Variants in CYP26B1 observed in about 807,000 individuals in gnomAD.
CYP26B1 encodes the protein cytochrome P450 family 26 subfamily B member 1.
CYP26B1 carries 8 observed loss-of-function variants against 39.1 expected under a neutral mutation model. The ratio of observed to expected loss-of-function variants is 0.20; its 90% CI spans 0.12 to 0.37. The LOEUF is 0.37. Among genes scored for constraint, CYP26B1 ranks in the 10% least tolerant of loss-of-function variants. The probability of loss-of-function intolerance (pLI) is 1.00; values close to 1 mark genes in which losing one functional copy is unlikely to be tolerated. For synonymous variants in CYP26B1, 321 were observed against 314.3 expected (o/e 1.02, Z -0.23); for missense variants, 615 against 707.0 (o/e 0.87, Z 1.48).
In CYP26B1 at chr2:72,140,021, A is replaced by C. The variant is rs562018042; in HGVS notation, c.429+3968T>G. Among the ~76,000 whole-genome samples, 562 of 152,332 alleles carry C rather than the reference A, an allele frequency of 3.7e-3. 4 individuals are homozygous for C. The highest frequency in any genetic ancestry group is 4.8e-3 in the Non-Finnish European group (326 of 68,014). On this transcript the variant is annotated intron_variant, in intron 2 of 5. Transcript: ENST00000001146. ...GCTTCCTTTTAGGCTTAGGGAACCC[A>C]GGACAGATACAGCAGCCAGCATGGG...
At chr2:72,134,544 T>C (rs932624253) in intron 4 of CYP26B1, among the ~76,000 whole-genome samples, 12 of 150,872 alleles carry the variant, frequency 8.0e-5, no homozygotes, top group African/African-American at 3.0e-4. Flanking sequence ...CTGCAGGCCA[T>C]GGGGAGAGAA....
rs528065075 is a variant in CYP26B1 at position 72,147,740 on chromosome 2, A to T, written c.95T>A (p.Leu32Gln). ...VTLLLAVSQQ[L>Q]WQLRWAATRD... ...AGTGGCGGCCCAGCGCAGCTGCCAC[A>T]GCTGCTGCGACACGGCCAGCAGCAG... Residue 32 changes from leucine (L) to glutamine (Q), a missense_variant, in exon 1 of 6, where the codon CTG (leucine) becomes CAG (glutamine). By Grantham distance (113) the Leu-to-Gln change is moderately radical. Coordinates refer to ENST00000001146, the MANE Select transcript of CYP26B1 (RefSeq NM_019885.4). The surrounding 1 kb of genome is among the most constrained non-coding windows in gnomAD (Gnocchi z 6.1). The T allele has an allele frequency of 1.3e-6, 2 of 1,592,532 alleles. No homozygotes were observed. The highest frequency in any genetic ancestry group is 2.3e-5 in the South Asian group (2 of 88,046).
At chr2:72,144,291 C>A in intron 1 of CYP26B1, 78 bp from the exon 2 acceptor site, 3 of 1,543,500 alleles carry the variant, frequency 1.9e-6, no homozygotes, top group Admixed American at 1.8e-5. Flanking sequence ...CGGACCCCAA[C>A]CCGGGGTACA....
Position 72,144,877 on chromosome 2 carries a change from G to A in CYP26B1, c.205-664C>T, listed in dbSNP as rs1167687904. On this transcript the variant is annotated intron_variant, in intron 1 of 5. Coordinates refer to ENST00000001146, the MANE Select transcript of CYP26B1 (RefSeq NM_019885.4). ...CGAGCGCGGGGCGGGGCGGGACCGGGCAGGGCGACCCGCGCAGGTAACCAG... is the reference window on the plus strand; with the variant it reads ...CGAGCGCGGGGCGGGGCGGGACCGGACAGGGCGACCCGCGCAGGTAACCAG... 2.0e-5 allele frequency among the ~76,000 whole-genome samples: 3 copies of A among 152,166 alleles called. No homozygotes were observed. In the East Asian group the frequency reaches 5.8e-4, roughly 29 times the overall value.
chr2:72,144,408 A>G (rs890103181), intron 1 of CYP26B1, 195 bp from the exon 2 acceptor site: 8 of 1,388,418 alleles, frequency 5.8e-6, no homozygotes, highest in Middle Eastern at 3.7e-4. Context: ...GAGGATAATA[A>G]ATAATGCAAG....
At chr2:72,146,516 C>A (rs1333698821) in intron 1 of CYP26B1, among the ~76,000 whole-genome samples, 3 of 152,246 alleles carry the variant, frequency 2.0e-5, no homozygotes, top group Non-Finnish European at 4.4e-5. Context: ...TCACTCGTCC[C>A]GGGGCAGGGT....
At position 72,133,157 on chromosome 2, in the gene CYP26B1, G is replaced by T; in HGVS notation, c.1012C>A (p.Pro338Thr). Residue 338 changes from proline to threonine, a missense_variant, in exon 5 of 6, where the codon CCC (proline) becomes ACC (threonine). By Grantham distance (38) the Pro-to-Thr change is conservative (BLOSUM62 -1). Transcript: ENST00000001146. Reference sequence around the variant, plus strand: ...TCCAGGCGCAGTGTGCCCTCGCAGGGGCAGCCGCCACTGTGCAGGATGCCA... The same window carrying T: ...TCCAGGCGCAGTGTGCCCTCGCAGGTGCAGCCGCCACTGTGCAGGATGCCA... The part of the protein sequence containing the change: ...AHGILHSGGC[P>T]CEGTLRLDTL... 1 of 1,611,606 alleles carries T rather than the reference G, an allele frequency of 6.2e-7. No individual in the cohort carries two copies. The highest frequency in any genetic ancestry group is 2.2e-5 in the East Asian group (1 of 44,854).
chr2:72,133,553 G>C (rs1676664763), intron 4 of CYP26B1, among the ~76,000 whole-genome samples: 1 of 152,228 alleles, frequency 6.6e-6, no homozygotes, highest in South Asian at 2.1e-4. Context: ...AGAAGCACTG[G>C]CCTAGAGTCC....
intron 1 of CYP26B1, among the ~76,000 whole-genome samples, chr2:72,145,756 G>C (rs1391819900): frequency 1.3e-5 from 2 of 151,570 alleles, no homozygotes; most frequent in East Asian, 3.9e-4. Flanking sequence ...CGTTTTTTGT[G>C]GCATTAATAA....
intron 1 of CYP26B1, among the ~76,000 whole-genome samples, chr2:72,144,801 C>G (rs1558972561): frequency 6.6e-6 from 1 of 152,202 alleles, no homozygotes; most frequent in Non-Finnish European, 1.5e-5. Context: ...ATGCATTTTG[C>G]CCTGGAAATA....
rs760782446 is a variant in CYP26B1, at chr2:72,133,146, G to T, written c.1023C>A (p.Gly341=). The part of the protein sequence containing the change: ...ILHSGGCPCE[G]TLRLDTLSGL... ...CACTGAGCGTGTCCAGGCGCAGTGTGCCCTCGCAGGGGCAGCCGCCACTGT... is the reference window on the plus strand; with the variant it reads ...CACTGAGCGTGTCCAGGCGCAGTGTTCCCTCGCAGGGGCAGCCGCCACTGT... Residue 341 remains glycine (G), a synonymous_variant, in exon 5 of 6, where the codon GGC becomes GGA. Coordinates refer to ENST00000001146, the MANE Select transcript of CYP26B1 (RefSeq NM_019885.4). 6.2e-7 allele frequency: 1 copy of T among 1,612,340 alleles called. No homozygotes were observed. The highest frequency in any genetic ancestry group is 1.7e-5 in the Admixed American group (1 of 60,002).
intron 2 of CYP26B1, among the ~76,000 whole-genome samples, chr2:72,137,135 G>A (rs1676801074): frequency 6.6e-6 from 1 of 152,180 alleles, no homozygotes; most frequent in South Asian, 2.1e-4. Context: ...GGTAGGGGCT[G>A]GCCAGGGCCC....
chr2:72,141,598 T>C (rs991567315), intron 2 of CYP26B1, among the ~76,000 whole-genome samples: 2 of 152,174 alleles, frequency 1.3e-5, no homozygotes, highest in South Asian at 4.1e-4. Flanking sequence ...GGCCTCTAAC[T>C]GCAGCATGGA....
intron 1 of CYP26B1, chr2:72,144,661 G>T (rs1677066462): frequency 4.9e-6 from 1 of 205,972 alleles, no homozygotes; most frequent in Non-Finnish European, 8.5e-6. Flanking sequence ...AGCGGTCGGT[G>T]CCCGGAGGCA....
chr2:72,134,736 C>G (rs2241058), intron 4 of CYP26B1, 25 bp downstream of exon 4: 1 of 1,603,014 alleles, frequency 6.2e-7, no homozygotes, highest in Non-Finnish European at 8.5e-7. Flanking sequence ...TGGTGCTGCC[C>G]GTGAGGGGCA....
rs1395556121 is a variant in CYP26B1 at position 72,130,623 on chromosome 2, A to C, written c.*1604T>G. 6.6e-6 allele frequency: 1 copy of C among 152,180 alleles called. No homozygotes were observed. The highest frequency in any genetic ancestry group is 2.4e-5 in the African/African-American group (1 of 41,420). The allele number at this position is 152,180 out of a possible 1,614,324, so 9.4% of individuals were successfully genotyped here. A position where few individuals can be genotyped will look rare whatever the true frequency, so the allele number is the denominator to read the frequency against. On this transcript the variant is annotated 3_prime_UTR_variant, in exon 6 of 6. Coordinates refer to ENST00000001146, the MANE Select transcript of CYP26B1 (RefSeq NM_019885.4). ...GGGGATTCATTGCTTTTACAACATC[A>C]AAAACCAATAAACACAGAAAGCAAG...
intron 2 of CYP26B1, among the ~76,000 whole-genome samples, chr2:72,141,835 G>A (rs2104083890): frequency 6.6e-6 from 1 of 152,316 alleles, no homozygotes; most frequent in East Asian, 1.9e-4. Context: ...TTGGGGGGAA[G>A]GATCCTTTCA....
Position 72,147,780 on chromosome 2 carries a change from G to C in CYP26B1, c.55C>G (p.Leu19Val), listed in dbSNP as rs1336275912. ...VSALATLAAC[L>V]VSVTLLLAVS... is the part of the protein sequence containing the mutation. ...GCCAGCAGCAGCGTCACGGACACCAGGCACGCGGCGAGGGTGGCCAGCGCC... is the reference window on the plus strand; with the variant it reads ...GCCAGCAGCAGCGTCACGGACACCACGCACGCGGCGAGGGTGGCCAGCGCC... The change falls in exon 1 of 6, where the codon CTG becomes GTG. Residue 19 changes from leucine to valine, a missense_variant. By Grantham distance (32) the Leu-to-Val change is conservative (BLOSUM62 1). Coordinates refer to ENST00000001146, the MANE Select transcript of CYP26B1 (RefSeq NM_019885.4). The surrounding 1 kb of genome is among the most constrained non-coding windows in gnomAD (Gnocchi z 6.1). 5.1e-6 allele frequency: 8 copies of C among 1,569,390 alleles called. No individual in the cohort carries two copies. The Admixed American group carries it at 1.3e-4, about 25-fold the overall frequency.
intron 2 of CYP26B1, 151 bp from the exon 3 acceptor site, chr2:72,135,570 C>T (rs1572924532): frequency 2.5e-6 from 3 of 1,178,520 alleles, no homozygotes; most frequent in Non-Finnish European, 3.6e-6. Context: ...CAGCTGCCAG[C>T]AAGTCTTTGG....
Sources: allele counts gnomAD v4.1 joint callset (sites outside exome capture counted in the v4.1 genomes callset), GRCh38; gene constraint gnomAD v4.1.1; non-coding constraint Gnocchi (gnomAD v3.1); transcripts MANE v1.5; gene names NCBI Gene and HGNC (gene_info 2026-07-23, HGNC 2026-07-21).